The following XKR6 variants were observed in gnomAD, a reference collection of about 807,000 sequenced individuals.
XKR6 encodes the protein XK-related protein 6.
In XKR6, 22 loss-of-function variants were observed where a neutral mutation model predicts 56.7. The ratio of observed to expected loss-of-function variants is 0.39; its 90% CI spans 0.28 to 0.55. XKR6 has a LOEUF of 0.55. XKR6 is among the 20% of genes least tolerant of loss of function. XKR6 has a pLI of 0.66. For missense variants in XKR6, 852 were observed against 889.0 expected, an observed-to-expected ratio of 0.96 and a Z score of 0.53; for synonymous variants, 524 against 387.8, an observed-to-expected ratio of 1.35 and a Z score of -4.13.
intron 1 of XKR6, among the ~76,000 whole-genome samples, chr8:11,081,198 A>G (rs1364156167): frequency 6.6e-6 from 1 of 152,224 alleles, no homozygotes; most frequent in Non-Finnish European, 1.5e-5. Flanking sequence ...CCCTCTGTGA[A>G]AACTGTTGCT....
intron 1 of XKR6, among the ~76,000 whole-genome samples, chr8:10,930,613 G>A (rs1288327222): frequency 6.6e-6 from 1 of 152,212 alleles, no homozygotes; most frequent in Non-Finnish European, 1.5e-5. Context: ...ACCAACTGGG[G>A]TTTATCCTGG....
chr8:11,199,253 C>T (rs1317911571), intron 1 of XKR6, among the ~76,000 whole-genome samples: 1 of 152,198 alleles, frequency 6.6e-6, no homozygotes. Flanking sequence ...TGAATTTGCA[C>T]GTAAATCCAG....
chr8:11,178,053 A>G (rs1399998612), intron 1 of XKR6, among the ~76,000 whole-genome samples: 1 of 152,168 alleles, frequency 6.6e-6, no homozygotes, highest in Non-Finnish European at 1.5e-5. Context: ...CAGCACAGAA[A>G]GCAGAGTGCA....
intron 1 of XKR6, among the ~76,000 whole-genome samples, chr8:11,084,582 T>C (rs935217866): frequency 2.0e-5 from 3 of 152,220 alleles, no homozygotes; most frequent in Non-Finnish European, 2.9e-5. Flanking sequence ...ATCTTAATGA[T>C]GAGATTAAGG....
chr8:11,077,605 G>A (rs141514360), intron 1 of XKR6, among the ~76,000 whole-genome samples: 100 of 152,312 alleles, frequency 6.6e-4, no homozygotes, highest in Non-Finnish European at 1.2e-3. Flanking sequence ...TGACCCTCGA[G>A]GCCTGGACTC....
At chr8:11,017,510 C>T (rs1798653459) in intron 1 of XKR6, among the ~76,000 whole-genome samples, 1 of 152,246 alleles carries the variant, frequency 6.6e-6, no homozygotes. Flanking sequence ...AGTAACACGA[C>T]ATTTGTTCAT....
intron 1 of XKR6, among the ~76,000 whole-genome samples, chr8:11,120,471 A>G (rs537894832): frequency 2.0e-5 from 3 of 152,208 alleles, no homozygotes; most frequent in Non-Finnish European, 4.4e-5. Flanking sequence ...TAGGAATCCA[A>G]CTTACAAGGG....
chr8:11,001,602 T>C (rs1798240213), intron 1 of XKR6, among the ~76,000 whole-genome samples: 1 of 152,242 alleles, frequency 6.6e-6, no homozygotes, highest in Non-Finnish European at 1.5e-5. Context: ...ACCCTGCCTC[T>C]GGACTACCCA....
intron 1 of XKR6, among the ~76,000 whole-genome samples, chr8:11,184,420 C>T (rs895259799): frequency 6.9e-6 from 1 of 145,590 alleles, no homozygotes; most frequent in Non-Finnish European, 1.5e-5. Context: ...CACACACACA[C>T]TTATATTACA....
At chr8:11,107,092 T>G (rs915475634) in intron 1 of XKR6, among the ~76,000 whole-genome samples, 1 of 151,918 alleles carries the variant, frequency 6.6e-6, no homozygotes, top group Non-Finnish European at 1.5e-5. Flanking sequence ...TATCTTGACT[T>G]ATGACAAAAG....
intron 1 of XKR6, among the ~76,000 whole-genome samples, chr8:11,193,119 G>C (rs188944180): frequency 1.3e-5 from 2 of 152,200 alleles, no homozygotes; most frequent in African/African-American, 4.8e-5. Flanking sequence ...CAAGAGGGTG[G>C]TGAAGAAAAC....
chr8:11,040,948 G>A (rs1430679064), intron 1 of XKR6, among the ~76,000 whole-genome samples: 2 of 152,118 alleles, frequency 1.3e-5, no homozygotes, highest in African/African-American at 2.4e-5. Context: ...AGGTATCTAC[G>A]TACATCGGGC....
At chr8:10,980,973 T>C (rs1797720715) in intron 1 of XKR6, among the ~76,000 whole-genome samples, 1 of 151,942 alleles carries the variant, frequency 6.6e-6, no homozygotes, top group African/African-American at 2.4e-5. Context: ...CATAAGCTGT[T>C]TCAGAAAAAA....
intron 1 of XKR6, among the ~76,000 whole-genome samples, chr8:10,931,123 G>A (rs984181924): frequency 1.1e-4 from 17 of 152,002 alleles, no homozygotes; most frequent in South Asian, 6.2e-4. Flanking sequence ...AGTCAATTGC[G>A]TTTCTATAAA....
intron 1 of XKR6, among the ~76,000 whole-genome samples, chr8:11,136,069 T>C (rs1321249518): frequency 6.6e-6 from 1 of 152,134 alleles, no homozygotes; most frequent in Non-Finnish European, 1.5e-5. Context: ...TTATTGCCAT[T>C]TTTTTTCTTT....
chr8:11,132,882 A>G (rs938320529), intron 1 of XKR6, among the ~76,000 whole-genome samples: 8 of 151,744 alleles, frequency 5.3e-5, no homozygotes, highest in Non-Finnish European at 1.0e-4. Flanking sequence ...AAATCTTCCA[A>G]TGGAGATGCC....
At chr8:10,999,670 C>G (rs559095933) in intron 1 of XKR6, among the ~76,000 whole-genome samples, 1 of 152,120 alleles carries the variant, frequency 6.6e-6, no homozygotes, top group Non-Finnish European at 1.5e-5. Context: ...CAGATGTGAC[C>G]AAGCTACCAA....
At chr8:11,096,927 G>A (rs1798279702) in intron 1 of XKR6, among the ~76,000 whole-genome samples, 1 of 152,240 alleles carries the variant, frequency 6.6e-6, no homozygotes, top group African/African-American at 2.4e-5. Flanking sequence ...CAGGATGGCA[G>A]ATTCTGAGAG....
intron 1 of XKR6, among the ~76,000 whole-genome samples, chr8:10,982,093 A>G (rs146912518): frequency 3.6e-4 from 55 of 152,380 alleles, no homozygotes; most frequent in African/African-American, 1.2e-3. Context: ...CTTTAAAGGT[A>G]GAAAATGCAA....
Sources: gnomAD v4.1 joint callset for allele counts (sites outside exome capture counted in the v4.1 genomes callset) on GRCh38, gnomAD v4.1.1 for gene constraint, MANE v1.5 for transcripts, NCBI Gene and HGNC (gene_info 2026-07-23, HGNC 2026-07-21) for gene names.